Variants in RBFOX1 observed in about 807,000 individuals in gnomAD.
RBFOX1 encodes the protein RNA binding fox-1 homolog 1.
In RBFOX1, 8 loss-of-function variants were observed where a neutral mutation model predicts 57.7. That is an observed-to-expected ratio of 0.14 (90% confidence interval 0.08 to 0.25). The LOEUF (loss-of-function observed/expected upper bound fraction) is 0.25, where lower values mean the gene tolerates loss of function less well. Among genes scored for constraint, RBFOX1 ranks in the 10% least tolerant of loss-of-function variants. RBFOX1 has a pLI of 1.00. For synonymous variants in RBFOX1, 326 were observed against 222.4 expected, an observed-to-expected ratio of 1.47 and a Z score of -4.15; for missense variants, 611 against 548.5, an observed-to-expected ratio of 1.11 and a Z score of -1.14.
chr16:6,483,846 T>G (rs1323199340), intron 2 of RBFOX1: 2 of 1,208,666 alleles, frequency 1.7e-6, no homozygotes, highest in East Asian at 7.4e-5. Flanking sequence ...TGGCCGTGGA[T>G]GGAATCCGGG....
intron 2 of RBFOX1, among the ~76,000 whole-genome samples, chr16:6,647,427 G>A (rs1297175021): frequency 6.6e-6 from 1 of 151,930 alleles, no homozygotes; most frequent in East Asian, 1.9e-4. Context: ...CTATTATATT[G>A]AAATCCAATG....
intron 3 of RBFOX1, among the ~76,000 whole-genome samples, chr16:5,865,751 A>T (rs2057330622): frequency 6.6e-6 from 1 of 152,206 alleles, no homozygotes; most frequent in Non-Finnish European, 1.5e-5. Flanking sequence ...ACTGCAGCTT[A>T]ACCAACAGGA....
At chr16:6,483,349 G>A in intron 2 of RBFOX1, 1 of 1,486,586 alleles carries the variant, frequency 6.7e-7, no homozygotes, top group Non-Finnish European at 8.9e-7. Context: ...GTCGTGCCAG[G>A]CAGCCCGGGC....
chr16:6,337,715 CT>C (rs1483252424), intron 2 of RBFOX1, among the ~76,000 whole-genome samples: 3 of 152,148 alleles, frequency 2.0e-5, no homozygotes, highest in Non-Finnish European at 1.5e-5. Flanking sequence ...CAAAACACAT[CT>C]TTATAAGACC....
chr16:6,399,177 G>A (rs897265386), intron 2 of RBFOX1, among the ~76,000 whole-genome samples: 4 of 152,200 alleles, frequency 2.6e-5, no homozygotes, highest in Non-Finnish European at 4.4e-5. Context: ...GGATGCAGGG[G>A]ACCATGTCCC....
At chr16:7,211,404 A>AAAAAAG (rs2152787984) in intron 4 of RBFOX1, among the ~76,000 whole-genome samples, 2 of 151,704 alleles carry the variant, frequency 1.3e-5, no homozygotes, top group African/African-American at 4.8e-5. Flanking sequence ...AAAAAAAAAA[A>AAAAAAG]AAAAAAAATT....
chr16:7,652,329 G>C (rs2065242491), intron 11 of RBFOX1, among the ~76,000 whole-genome samples: 1 of 152,222 alleles, frequency 6.6e-6, no homozygotes, highest in East Asian at 1.9e-4. Context: ...TAATCATCAG[G>C]CTTAATTCCC....
At chr16:6,240,684 TA>T (rs34274729) in intron 1 of RBFOX1, among the ~76,000 whole-genome samples, 21 of 149,398 alleles carry the variant, frequency 1.4e-4, no homozygotes, top group South Asian at 1.3e-3. Flanking sequence ...TTCTTTTTCC[TA>T]AAAAAAAAAT....
intron 3 of RBFOX1, among the ~76,000 whole-genome samples, chr16:6,977,927 C>T (rs952089671): frequency 5.7e-5 from 5 of 87,438 alleles, no homozygotes; most frequent in African/African-American, 3.9e-4. Context: ...CCTCTTCCAG[C>T]CTCCCCAGGG....
At chr16:5,383,297 G>A (rs537600792) in intron 1 of RBFOX1, among the ~76,000 whole-genome samples, 68 of 152,312 alleles carry the variant, frequency 4.5e-4, no homozygotes, top group Non-Finnish European at 8.2e-4. Context: ...AAGGTGGGCT[G>A]TGGGTCTGCC....
intron 2 of RBFOX1, among the ~76,000 whole-genome samples, chr16:6,446,336 G>A (rs545805825): frequency 3.9e-5 from 6 of 152,170 alleles, no homozygotes; most frequent in African/African-American, 1.4e-4. Flanking sequence ...TTGGTTTCTG[G>A]AGTATTGGTC....
chr16:6,777,216 TA>T (rs1476027009), intron 3 of RBFOX1, among the ~76,000 whole-genome samples: 2 of 152,220 alleles, frequency 1.3e-5, no homozygotes, highest in Non-Finnish European at 2.9e-5. Flanking sequence ...GTACTGTAGG[TA>T]ATTATGTGCT....
intron 4 of RBFOX1, among the ~76,000 whole-genome samples, chr16:7,446,511 G>C (rs1204271365): frequency 1.3e-5 from 2 of 152,184 alleles, no homozygotes; most frequent in Non-Finnish European, 2.9e-5. Flanking sequence ...GTTGGAAGAA[G>C]CAAGAAGGTT....
chr16:5,454,958 C>CCTTTCTTTCTTT (rs1169954657), intron 1 of RBFOX1, among the ~76,000 whole-genome samples: 459 of 30,374 alleles, frequency 0.015, 23 homozygotes, highest in Admixed American at 0.02. Flanking sequence ...TTCCTTCCTT[C>CCTTTCTTTCTTT]CTTTCTTTCT....
chr16:6,614,206 T>G lies in RBFOX1; in HGVS notation c.-63-40397T>G, dbSNP rs530381608. 9.2e-5 allele frequency among the ~76,000 whole-genome samples: 14 copies of G among 152,320 alleles called. No individual in the cohort carries two copies. The South Asian group carries it at 2.7e-3, about 29-fold the overall frequency. ...TCTTGTTTCTTCTAAGTAATGAAAT[T>G]CTGATGCATTTCATACTGCCTGCTG... On this transcript the variant is annotated intron_variant, in intron 2 of 15. Coordinates refer to ENST00000550418, the MANE Select transcript of RBFOX1 (RefSeq NM_018723.4).
intron 4 of RBFOX1, among the ~76,000 whole-genome samples, chr16:5,880,088 G>T (rs1242810974): frequency 1.3e-5 from 2 of 152,156 alleles, no homozygotes; most frequent in Non-Finnish European, 2.9e-5. Context: ...TCTCATCTCA[G>T]TTCTGTGCTT....
At chr16:7,327,112 C>T (rs1281689600) in intron 4 of RBFOX1, among the ~76,000 whole-genome samples, 1 of 152,172 alleles carries the variant, frequency 6.6e-6, no homozygotes, top group East Asian at 1.9e-4. Flanking sequence ...GGTGATGGTG[C>T]ACTTAGTTCT....
chr16:5,692,209 G>T (rs1000189603), intron 3 of RBFOX1, among the ~76,000 whole-genome samples: 3 of 124,088 alleles, frequency 2.4e-5, no homozygotes, highest in Admixed American at 1.6e-4. Context: ...GTGTGTGTGT[G>T]TGTGTTTGTG....
intron 4 of RBFOX1, among the ~76,000 whole-genome samples, chr16:7,483,210 G>T (rs2064469241): frequency 6.6e-6 from 1 of 152,210 alleles, no homozygotes; most frequent in Admixed American, 6.5e-5. Context: ...TGCGGAAATA[G>T]ACTCATCAAA....
Sources: gnomAD v4.1 joint callset for allele counts (sites outside exome capture counted in the v4.1 genomes callset) on GRCh38, gnomAD v4.1.1 for gene constraint, MANE v1.5 for transcripts, NCBI Gene and HGNC (gene_info 2026-07-23, HGNC 2026-07-21) for gene names.